Variants in KIF13A observed in about 807,000 individuals in gnomAD.
KIF13A encodes kinesin-like protein KIF13A.
Under a neutral mutation model 212.2 loss-of-function variants are expected in KIF13A, and 79 were observed. That is an observed-to-expected ratio of 0.37 (90% CI 0.31 to 0.45). KIF13A has a LOEUF of 0.45. KIF13A is among the 20% of genes least tolerant of loss of function. The pLI is 1.00. For synonymous variants in KIF13A, 789 were observed against 808.6 expected, an observed-to-expected ratio of 0.98 and a Z score of 0.41; for missense variants, 1,901 against 2,209.0, an observed-to-expected ratio of 0.86 and a Z score of 2.79.
chr6:17,831,767 G>A, intron 12 of KIF13A, among the ~76,000 whole-genome samples: 1 of 149,442 alleles, frequency 6.7e-6, no homozygotes, highest in East Asian at 2.0e-4. Context: ...AGAAAGCAGT[G>A]AGAGTTAAGG....
chr6:17,983,925 T>TGCTC (rs1781327626), intron 2 of KIF13A, among the ~76,000 whole-genome samples: 1 of 152,196 alleles, frequency 6.6e-6, no homozygotes, highest in Non-Finnish European at 1.5e-5. Flanking sequence ...AGTGAACCTA[T>TGCTC]GCTCTCAGCA....
rs1300377521 is a variant in KIF13A, at chr6:17,963,160, G to A, written c.146+23894C>T. On this transcript the variant is annotated intron_variant, in intron 2 of 38. Transcript: ENST00000259711. This position sits in a 1 kb window ranked among gnomAD's most constrained non-coding sequence, Gnocchi z 4.1. ...AGGCTGGGTGCGGTGGCTCATGCCT[G>A]TAATCCCAGCACTTTGGGAGGCCGA... Among the ~76,000 whole-genome samples the A allele has an allele frequency of 2.6e-5, 4 of 152,252 alleles. No homozygotes were observed. Among genetic ancestry groups the A allele is most frequent in the Non-Finnish European group, 5.9e-5 (4 of 68,050 alleles).
intron 2 of KIF13A, among the ~76,000 whole-genome samples, chr6:17,948,830 T>C (rs993017409): frequency 2.0e-5 from 3 of 152,038 alleles, no homozygotes; most frequent in African/African-American, 4.8e-5. Context: ...CCCCTCAAAG[T>C]GCTAAGATTA....
intron 3 of KIF13A, 49 bp from the exon 4 acceptor site, chr6:17,873,486 T>C (rs1164527469): frequency 7.8e-7 from 1 of 1,280,734 alleles, no homozygotes; most frequent in African/African-American, 1.5e-5. Flanking sequence ...TAACTTCTTA[T>C]GAGTAAATCA....
intron 20 of KIF13A, among the ~76,000 whole-genome samples, chr6:17,803,979 C>T (rs1334104096): frequency 1.3e-5 from 2 of 152,110 alleles, no homozygotes; most frequent in African/African-American, 2.4e-5. Flanking sequence ...GGTGAAACCC[C>T]GTCTCCACTA....
intron 2 of KIF13A, among the ~76,000 whole-genome samples, chr6:17,938,671 G>C (rs1776684498): frequency 6.6e-6 from 1 of 152,094 alleles, no homozygotes; most frequent in Non-Finnish European, 1.5e-5. Flanking sequence ...TGAAATGTCA[G>C]AATCTAGTAT....
chr6:17,822,057 T>TTTTG (rs201301612), intron 16 of KIF13A, among the ~76,000 whole-genome samples: 1 of 151,320 alleles, frequency 6.6e-6, no homozygotes, highest in Non-Finnish European at 1.5e-5. Context: ...TTTTTTTTTT[T>TTTTG]GTGATGAAGT....
chr6:17,842,784 G>A (rs1766648040), intron 9 of KIF13A, among the ~76,000 whole-genome samples: 1 of 151,656 alleles, frequency 6.6e-6, no homozygotes. Flanking sequence ...AAAGAAAGTT[G>A]GGAGGGTCAA....
intron 2 of KIF13A, among the ~76,000 whole-genome samples, chr6:17,923,865 T>C (rs1447762235): frequency 6.6e-6 from 1 of 152,194 alleles, no homozygotes; most frequent in Non-Finnish European, 1.5e-5. Context: ...CTTAAAAACC[T>C]TTCCCTAAGA....
intron 2 of KIF13A, among the ~76,000 whole-genome samples, chr6:17,942,507 T>C (rs1271062793): frequency 1.3e-5 from 2 of 152,124 alleles, no homozygotes; most frequent in East Asian, 1.9e-4. Flanking sequence ...CTCATAAAGT[T>C]GCAGCAAGTA....
chr6:17,813,724 AGT>A (rs1385021661), intron 17 of KIF13A, among the ~76,000 whole-genome samples: 1 of 151,932 alleles, frequency 6.6e-6, no homozygotes, highest in African/African-American at 2.4e-5. Context: ...TGAGAGCTGC[AGT>A]GTGTGTGTGA....
At chr6:17,927,945 A>G (rs1303462623) in intron 2 of KIF13A, among the ~76,000 whole-genome samples, 1 of 152,216 alleles carries the variant, frequency 6.6e-6, no homozygotes, top group Non-Finnish European at 1.5e-5. Flanking sequence ...CACCCTGACC[A>G]CTCACAGTCA....
chr6:17,953,760 A>C (rs1778090119), intron 2 of KIF13A: 1 of 192,420 alleles, frequency 5.2e-6, no homozygotes, highest in Non-Finnish European at 1.1e-5. Flanking sequence ...GCTGAATACC[A>C]AATCAACCTA....
intron 3 of KIF13A, among the ~76,000 whole-genome samples, chr6:17,874,236 G>A (rs1770283405): frequency 6.6e-6 from 1 of 150,718 alleles, no homozygotes; most frequent in Non-Finnish European, 1.5e-5. Context: ...TTCCCCTTCT[G>A]TCTCTGCAGG....
At chr6:17,810,313 C>T (rs1763322784) in intron 17 of KIF13A, among the ~76,000 whole-genome samples, 1 of 152,240 alleles carries the variant, frequency 6.6e-6, no homozygotes, top group African/African-American at 2.4e-5. Context: ...CAAGCCCTGC[C>T]TTCCTCAGGC....
rs1268340733 is a variant in KIF13A, at chr6:17,967,856, T to C, written c.146+19198A>G. On this transcript the variant is annotated intron_variant, in intron 2 of 38. Transcript: ENST00000259711. This position sits in a 1 kb window ranked among gnomAD's most constrained non-coding sequence, Gnocchi z 4.1. ...ACTTGTTAATAAGGTGCTCATTAAG[T>C]AAGTCTGTAAAAGCTTACTTAATAA... 4.6e-5 allele frequency among the ~76,000 whole-genome samples: 7 copies of C among 152,238 alleles called. No individual in the cohort carries two copies. Among genetic ancestry groups the C allele is most frequent in the Admixed American group, 4.6e-4 (7 of 15,284 alleles).
Position 17,773,157 on chromosome 6 carries a change from A to T in KIF13A, c.4324+321T>A, listed in dbSNP as rs1175353370. On this transcript the variant is annotated intron_variant, in intron 36 of 38. Transcript: ENST00000259711. This position sits in a 1 kb window ranked among gnomAD's most constrained non-coding sequence, Gnocchi z 4.2. The stretch of plus-strand genomic sequence containing the variant: ...GAGTACACAAATATGACAGAGCTGG[A>T]TATTCTGGTAGAAAATAATAGGATT... Among the ~76,000 whole-genome samples, 1 of 152,228 alleles carries T rather than the reference A, an allele frequency of 6.6e-6. No individual in the cohort carries two copies. Among genetic ancestry groups the T allele is most frequent in the Non-Finnish European group, 1.5e-5 (1 of 68,042 alleles).
At chr6:17,949,394 T>A (rs1777677890) in intron 2 of KIF13A, among the ~76,000 whole-genome samples, 1 of 152,186 alleles carries the variant, frequency 6.6e-6, no homozygotes, top group Non-Finnish European at 1.5e-5. Context: ...AACATTTTAA[T>A]TCTGGCTACT....
chr6:17,917,235 C>CTTTTTTT (rs71002284), intron 2 of KIF13A, among the ~76,000 whole-genome samples: 1 of 79,098 alleles, frequency 1.3e-5, no homozygotes, highest in Non-Finnish European at 2.3e-5. Context: ...TTACACGATT[C>CTTTTTTT]TTTTTTTTTT....
Sources: allele counts gnomAD v4.1 joint callset (sites outside exome capture counted in the v4.1 genomes callset), GRCh38; gene constraint gnomAD v4.1.1; non-coding constraint Gnocchi (gnomAD v3.1); transcripts MANE v1.5; gene names NCBI Gene and HGNC (gene_info 2026-07-23, HGNC 2026-07-21).